The following ASB1 variants were observed in gnomAD, a reference collection of about 807,000 sequenced individuals.
The protein encoded by ASB1 is ankyrin repeat and SOCS box containing 1.
Under a neutral mutation model 27.7 loss-of-function variants are expected in ASB1, and 18 were observed. The observed-to-expected ratio is 0.65, with a 90% CI of 0.45 to 0.96. The LOEUF is 0.96. Ranked by LOEUF, ASB1 falls within the 50% of genes least tolerant of loss-of-function variation. The pLI is 0.00. For synonymous variants in ASB1, 189 were observed against 187.6 expected, an observed-to-expected ratio of 1.01 and a Z score of -0.06; for missense variants, 397 against 451.7, an observed-to-expected ratio of 0.88 and a Z score of 1.10.
chr2:238,435,166 G>A (rs1559413192), intron 2 of ASB1: 1 of 153,730 alleles, frequency 6.5e-6, no homozygotes, highest in Non-Finnish European at 1.4e-5. Context: ...GCCGCTCTTG[G>A]CCAGGGGTGT....
At chr2:238,428,884 C>T (rs1701813461) in intron 1 of ASB1, among the ~76,000 whole-genome samples, 1 of 152,154 alleles carries the variant, frequency 6.6e-6, no homozygotes, top group Non-Finnish European at 1.5e-5. Context: ...CCGCCATTTA[C>T]CTGTTGGTTA....
intron 3 of ASB1, among the ~76,000 whole-genome samples, chr2:238,440,183 T>C (rs1229912375): frequency 6.6e-6 from 1 of 152,150 alleles, no homozygotes; most frequent in Non-Finnish European, 1.5e-5. Flanking sequence ...ATAAGTCATT[T>C]CTCCTAGGAG....
intron 4 of ASB1, among the ~76,000 whole-genome samples, chr2:238,445,086 A>G (rs141244000): frequency 1.4e-3 from 216 of 151,024 alleles, no homozygotes; most frequent in African/African-American, 4.4e-3. Flanking sequence ...GGCTCATGCA[A>G]TCCTCCCACC....
chr2:238,431,362 A>C (rs529822553), intron 1 of ASB1, among the ~76,000 whole-genome samples: 6 of 152,354 alleles, frequency 3.9e-5, no homozygotes, highest in African/African-American at 1.4e-4. Context: ...GGAGAGAGTT[A>C]GGGCCTTGCT....
At chr2:238,436,133 T>C (rs1490119615) in intron 3 of ASB1, 120 bp downstream of exon 3, 1 of 922,514 alleles carries the variant, frequency 1.1e-6, no homozygotes, top group Non-Finnish European at 1.6e-6. Context: ...TGCTGGCCTT[T>C]GTAAAGAGCT....
intron 3 of ASB1, among the ~76,000 whole-genome samples, chr2:238,443,185 A>G (rs1196010274): frequency 6.6e-6 from 1 of 152,154 alleles, no homozygotes; most frequent in Non-Finnish European, 1.5e-5. Flanking sequence ...GTACTGTGCT[A>G]TGTCTTTCCA....
rs1702186006 is a variant in ASB1, at chr2:238,446,608, T to C, written c.*97T>C. ...TGCTGTGCTGCTGCTGGTCTCCTGATGGCTGTTGCTGCAGAAGATGTCCTC... is the reference window on the plus strand; with the variant it reads ...TGCTGTGCTGCTGCTGGTCTCCTGACGGCTGTTGCTGCAGAAGATGTCCTC... On this transcript the variant is annotated 3_prime_UTR_variant, in exon 5 of 5. Coordinates refer to ENST00000264607, the MANE Select transcript of ASB1 (RefSeq NM_001040445.3). 2 of 1,479,822 alleles carry C rather than the reference T, an allele frequency of 1.4e-6. No homozygotes were observed. Among genetic ancestry groups the C allele is most frequent in the African/African-American group, 1.4e-5 (1 of 72,370 alleles). The allele number at this position is 1,479,822 out of a possible 1,614,324, so 91.7% of individuals were successfully genotyped here. A position where few individuals can be genotyped will look rare whatever the true frequency, so the allele number is the denominator to read the frequency against.
intron 2 of ASB1, among the ~76,000 whole-genome samples, chr2:238,434,838 A>G (rs960189229): frequency 7.9e-5 from 12 of 152,226 alleles, no homozygotes; most frequent in African/African-American, 2.9e-4. Context: ...GGCTCAGGGC[A>G]TCTCTGGTTC....
At chr2:238,434,575 T>C (rs1701931730) in intron 2 of ASB1, among the ~76,000 whole-genome samples, 1 of 152,242 alleles carries the variant, frequency 6.6e-6, no homozygotes, top group Non-Finnish European at 1.5e-5. Flanking sequence ...AATGTATTTC[T>C]TCATTTCCTT....
At chr2:238,430,674 C>T (rs548874661) in intron 1 of ASB1, among the ~76,000 whole-genome samples, 4 of 152,316 alleles carry the variant, frequency 2.6e-5, no homozygotes, top group Non-Finnish European at 2.9e-5. Context: ...CCTATGGCAG[C>T]GATAGCCTGA....
chr2:238,444,265 G>A, intron 3 of ASB1, 77 bp from the exon 4 acceptor site: 4 of 1,506,650 alleles, frequency 2.7e-6, no homozygotes, highest in Non-Finnish European at 2.7e-6. Context: ...GGTGGCTGTG[G>A]GATTTGTTGG....
chr2:238,450,356 T>A lies in ASB1; in HGVS notation c.*3845T>A, dbSNP rs974596782. Reference sequence around the variant, plus strand: ...TATTCTGAAGTTATTTTCTTCCTTATTTGGATGATAAAATTTCCTTTTATG... The same window carrying A: ...TATTCTGAAGTTATTTTCTTCCTTAATTGGATGATAAAATTTCCTTTTATG... On this transcript the variant is annotated 3_prime_UTR_variant, in exon 5 of 5. Coordinates refer to ENST00000264607, the MANE Select transcript of ASB1 (RefSeq NM_001040445.3). The A allele has an allele frequency of 7.9e-5, 12 of 152,252 alleles. No homozygotes were observed. Among genetic ancestry groups the A allele is most frequent in the African/African-American group, 2.9e-4 (12 of 41,468 alleles). 9.4% of individuals were successfully genotyped at this position (152,252 alleles called of 1,614,324 possible). A position where few individuals can be genotyped will look rare whatever the true frequency, so the allele number is the denominator to read the frequency against.
Position 238,426,928 on chromosome 2 carries a change from G to A in ASB1, c.-143G>A, listed in dbSNP as rs1701762010. Reference sequence around the variant, plus strand: ...GGCCCCTGCGCGGCCCCGGAAACCAGTGAGGCCGGCGCGCGCCCGCCGGAA... The same window carrying A: ...GGCCCCTGCGCGGCCCCGGAAACCAATGAGGCCGGCGCGCGCCCGCCGGAA... On this transcript the variant is annotated 5_prime_UTR_variant, in exon 1 of 5. The change creates a new upstream start codon in the 5' untranslated region. Coordinates refer to ENST00000264607, the MANE Select transcript of ASB1 (RefSeq NM_001040445.3). The A allele has an allele frequency of 5.6e-6, 3 of 537,426 alleles. No homozygotes were observed. The highest frequency in any genetic ancestry group is 2.0e-5 in the African/African-American group (1 of 50,614). The allele number at this position is 537,426 out of a possible 1,614,324, so 33.3% of individuals were successfully genotyped here.
At chr2:238,429,879 A>G (rs1352575833) in intron 1 of ASB1, among the ~76,000 whole-genome samples, 5 of 150,940 alleles carry the variant, frequency 3.3e-5, no homozygotes, top group Admixed American at 2.6e-4. Flanking sequence ...CGGATCTTGC[A>G]GTGAGCCGAG....
In ASB1 at chr2:238,448,805, C is replaced by T. The variant is rs1702227319; in HGVS notation, c.*2294C>T. Reference sequence around the variant, plus strand: ...GGGCGTCATGCTCCTTTGCACAGCCCAGGGCCTGTTTTGGAGGGACCAGGT... The same window carrying T: ...GGGCGTCATGCTCCTTTGCACAGCCTAGGGCCTGTTTTGGAGGGACCAGGT... On this transcript the variant is annotated 3_prime_UTR_variant, in exon 5 of 5. Coordinates refer to ENST00000264607, the MANE Select transcript of ASB1 (RefSeq NM_001040445.3). 1 of 152,462 alleles carries T rather than the reference C, an allele frequency of 6.6e-6. No individual in the cohort carries two copies. The highest frequency in any genetic ancestry group is 1.5e-5 in the Non-Finnish European group (1 of 68,218). 9.4% of individuals were successfully genotyped at this position (152,462 alleles called of 1,614,324 possible). A position where few individuals can be genotyped will look rare whatever the true frequency, so the allele number is the denominator to read the frequency against.
rs1038401447 is a variant in ASB1 at position 238,449,297 on chromosome 2, G to T, written c.*2786G>T. 6.6e-6 allele frequency: 1 copy of T among 152,264 alleles called. No homozygotes were observed. The highest frequency in any genetic ancestry group is 2.4e-5 in the African/African-American group (1 of 41,448). 9.4% of individuals were successfully genotyped at this position (152,264 alleles called of 1,614,324 possible). On this transcript the variant is annotated 3_prime_UTR_variant, in exon 5 of 5. Coordinates refer to ENST00000264607, the MANE Select transcript of ASB1 (RefSeq NM_001040445.3). ...AGGAAATCACCTTTCTAAGCCCTGG[G>T]GCGCCCAAGTCCCATGGGACAGGGA... is the stretch of plus-strand genomic sequence containing the variant.
rs1268211971 is a variant in ASB1, at chr2:238,435,829, G to A, written c.310G>A (p.Val104Met). 8.1e-6 allele frequency: 13 copies of A among 1,614,162 alleles called. No individual in the cohort carries two copies. Among genetic ancestry groups the A allele is most frequent in the Admixed American group, 1.7e-5 (1 of 60,016 alleles). Residue 104 changes from valine to methionine, a missense_variant, in exon 3 of 5, where the codon GTG (valine) becomes ATG (methionine). Transcript: ENST00000264607. Reference sequence around the variant, plus strand: ...CTTCCTCATCCGGAAGGGGGCCGAGGTGGATCTGGTGGACGTAAAAGGACA... The same window carrying A: ...CTTCCTCATCCGGAAGGGGGCCGAGATGGATCTGGTGGACGTAAAAGGACA... ...VDFLIRKGAE[V>M]DLVDVKGQTA... is the part of the protein sequence containing the mutation.
rs371985796 is a variant in ASB1, at chr2:238,428,121, G to T, written c.49+1002G>T. Reference sequence around the variant, plus strand: ...GCATCTACCATCCTGGGCTTTGGTTGGCGTTGACTTTGACTTCAGAGACAG... The same window carrying T: ...GCATCTACCATCCTGGGCTTTGGTTTGCGTTGACTTTGACTTCAGAGACAG... On this transcript the variant is annotated intron_variant, in intron 1 of 4. Transcript: ENST00000264607. Among the ~76,000 whole-genome samples the T allele has an allele frequency of 2.6e-5, 4 of 152,302 alleles. No individual in the cohort carries two copies. In the East Asian group the frequency reaches 7.7e-4, roughly 29 times the overall value.
At chr2:238,440,860 A>G (rs1419156978) in intron 3 of ASB1, among the ~76,000 whole-genome samples, 1 of 152,196 alleles carries the variant, frequency 6.6e-6, no homozygotes. Flanking sequence ...GTTTCCTCCC[A>G]TCGGGCTGTC....
Sources: allele counts gnomAD v4.1 joint callset (sites outside exome capture counted in the v4.1 genomes callset), GRCh38; gene constraint gnomAD v4.1.1; transcripts MANE v1.5; gene names NCBI Gene and HGNC (gene_info 2026-07-23, HGNC 2026-07-21).